Variants in NBPF11 observed in about 807,000 individuals in gnomAD.
NBPF11 encodes NBPF member 11.
A neutral mutation model predicts 93.9 loss-of-function variants in NBPF11; 72 were observed. The observed-to-expected ratio is 0.77, with a 90% CI of 0.63 to 0.93. The LOEUF is 0.93. NBPF11 is among the 40% of genes least tolerant of loss of function. NBPF11 has a pLI of 0.00. For synonymous variants in NBPF11, 224 were observed against 304.9 expected (o/e 0.73, Z 2.76); for missense variants, 705 against 802.2 (o/e 0.88, Z 1.46).
intron 7 of NBPF11, 143 bp from the exon 8 acceptor site, chr1:148,122,944 C>T: frequency 6.2e-6 from 9 of 1,460,186 alleles, no homozygotes; most frequent in Non-Finnish European, 8.5e-6. Context: ...TCACAAAATG[C>T]CCTGGCATGG....
intron 1 of NBPF11, among the ~76,000 whole-genome samples, chr1:148,145,201 C>CTTTTT (rs1190949525): frequency 1.9e-3 from 141 of 75,562 alleles, no homozygotes; most frequent in East Asian, 2.5e-3. Context: ...TTTTTTCTTT[C>CTTTTT]TTTTTTTTTT....
In NBPF11 at chr1:148,103,681, T is replaced by C. The variant is rs1662815635; in HGVS notation, c.*215A>G. 1.2e-6 allele frequency: 2 copies of C among 1,611,238 alleles called. No homozygotes were observed. The highest frequency in any genetic ancestry group is 1.3e-5 in the African/African-American group (1 of 74,860). ...TAGTAAGGGCTGCTTATTGTGGGAA[T>C]ATGACTCCCATCTGGAAGACCAGGT... On this transcript the variant is annotated 3_prime_UTR_variant, in exon 24 of 24. Coordinates refer to ENST00000682118, the MANE Select transcript of NBPF11 (RefSeq NM_001385469.3).
At chr1:148,119,464 G>A (rs2149223978) in intron 10 of NBPF11, among the ~76,000 whole-genome samples, 1 of 152,060 alleles carries the variant, frequency 6.6e-6, no homozygotes, top group Admixed American at 6.5e-5. Flanking sequence ...AGGAAACTGA[G>A]GGACAGAGAA....
intron 19 of NBPF11, among the ~76,000 whole-genome samples, chr1:148,107,465 C>A (rs1663990929): frequency 6.6e-6 from 1 of 151,744 alleles, no homozygotes; most frequent in African/African-American, 2.4e-5. Flanking sequence ...CATAAACTTG[C>A]TCAAGATTCC....
Position 148,118,505 on chromosome 1 carries a change from G to T in NBPF11, c.1091+115C>A, listed in dbSNP as rs1285854632. The stretch of plus-strand genomic sequence containing the variant: ...TATTTGTGTGTAGCAAACCTGCCAT[G>T]GCAATTCCTGCCCTTCCCCTGGCCC... On this transcript the variant is annotated intron_variant, in intron 11 of 23. Transcript: ENST00000682118. 1.3e-4 allele frequency: 107 copies of T among 841,982 alleles called. No homozygotes were observed. The African/African-American group carries it at 1.7e-3, about 14-fold the overall frequency. 52.2% of individuals were successfully genotyped at this position (841,982 alleles called of 1,614,324 possible).
intron 1 of NBPF11, among the ~76,000 whole-genome samples, chr1:148,147,607 C>T (rs1224710085): frequency 1.3e-5 from 2 of 151,996 alleles, no homozygotes; most frequent in African/African-American, 4.8e-5. Context: ...CCTGTCTCGT[C>T]CTGGCCCTGC....
chr1:148,150,084 T>C lies in NBPF11; in HGVS notation c.-549+1666A>G, dbSNP rs1445311170. 2.6e-5 allele frequency among the ~76,000 whole-genome samples: 4 copies of C among 151,696 alleles called. No individual in the cohort carries two copies. The East Asian group carries it at 7.7e-4, about 29-fold the overall frequency. The stretch of plus-strand genomic sequence containing the variant: ...ACCAACAATGCCACTTCTACATATA[T>C]ACCCCAATATAGTAATGTTCTATTT... On this transcript the variant is annotated intron_variant, in intron 1 of 23. Transcript: ENST00000682118.
At chr1:148,126,317 T>A (rs1277290627) in intron 5 of NBPF11, among the ~76,000 whole-genome samples, 2 of 151,868 alleles carry the variant, frequency 1.3e-5, no homozygotes, top group Non-Finnish European at 2.9e-5. Context: ...CTGCTCTTGA[T>A]GCTGTCACTT....
chr1:148,125,103 T>C (rs1553272764), intron 5 of NBPF11, 102 bp from the exon 6 acceptor site: 7 of 793,966 alleles, frequency 8.8e-6, no homozygotes, highest in African/African-American at 6.8e-5. Flanking sequence ...GACAAAACTC[T>C]CCCCAGTACC....
chr1:148,146,912 T>G (rs2149308446), intron 1 of NBPF11: 2 of 1,609,776 alleles, frequency 1.2e-6, no homozygotes, highest in Admixed American at 1.7e-5. Flanking sequence ...TGGCAGGCCC[T>G]GCGCACCAGG....
intron 4 of NBPF11, among the ~76,000 whole-genome samples, chr1:148,134,743 C>G (rs1670988529): frequency 6.6e-6 from 1 of 151,870 alleles, no homozygotes; most frequent in African/African-American, 2.4e-5. Flanking sequence ...GGGGCTGGTA[C>G]AGCCTCACTC....
chr1:148,118,185 A>G (rs1228502526), intron 11 of NBPF11, among the ~76,000 whole-genome samples: 3 of 147,954 alleles, frequency 2.0e-5, no homozygotes, highest in Middle Eastern at 3.4e-3. Context: ...AGATAGGGCG[A>G]ATTGAAAAGA....
chr1:148,126,181 A>T (rs1457820025), intron 5 of NBPF11, among the ~76,000 whole-genome samples: 11 of 151,792 alleles, frequency 7.2e-5, no homozygotes, highest in African/African-American at 2.7e-4. Flanking sequence ...TTGTATTTTT[A>T]GTGGAGACGG....
At position 148,103,590 on chromosome 1, in the gene NBPF11, A is replaced by C. The variant is rs1662789843; in HGVS notation, c.*306T>G. On this transcript the variant is annotated 3_prime_UTR_variant, in exon 24 of 24. Coordinates refer to ENST00000682118, the MANE Select transcript of NBPF11 (RefSeq NM_001385469.3). ...TCCTATGTCTGGGCTTCCAAATGGAACTATAGTTTCATTCAAATCTTCAGG... is the reference window on the plus strand; with the variant it reads ...TCCTATGTCTGGGCTTCCAAATGGACCTATAGTTTCATTCAAATCTTCAGG... 1 of 1,608,162 alleles carries C rather than the reference A, an allele frequency of 6.2e-7. No homozygotes were observed. The highest frequency in any genetic ancestry group is 1.3e-5 in the African/African-American group (1 of 74,704).
At chr1:148,111,809 C>T (rs1445663234) in intron 15 of NBPF11, among the ~76,000 whole-genome samples, 1 of 151,368 alleles carries the variant, frequency 6.6e-6, no homozygotes, top group African/African-American at 2.4e-5. Context: ...GAGAATGGAA[C>T]CAAGCTGGGA....
At chr1:148,140,722 A>G (rs1395610570) in intron 2 of NBPF11, among the ~76,000 whole-genome samples, 4 of 152,044 alleles carry the variant, frequency 2.6e-5, no homozygotes, top group Non-Finnish European at 4.4e-5. Flanking sequence ...ACCTATCAGA[A>G]TGGCTAAAAC....
At chr1:148,141,636 G>A (rs1254095647) in intron 2 of NBPF11, among the ~76,000 whole-genome samples, 23 of 151,814 alleles carry the variant, frequency 1.5e-4, no homozygotes, top group African/African-American at 3.2e-4. Flanking sequence ...GGGTGCCCCC[G>A]GAACACAGCT....
In NBPF11 at chr1:148,131,179, A is replaced by C. The variant is rs1369829865; in HGVS notation, c.-35-4141T>G. On this transcript the variant is annotated intron_variant, in intron 4 of 23. Coordinates refer to ENST00000682118, the MANE Select transcript of NBPF11 (RefSeq NM_001385469.3). ...TAAGAGGAAAAAAAAAAAAAAAAGA[A>C]GCCAGTGCCCTTATACAAAGGCTGG... Among the ~76,000 whole-genome samples the C allele has an allele frequency of 5.4e-4, 81 of 150,904 alleles. 1 individual carries two copies. Among genetic ancestry groups the C allele is most frequent in the Non-Finnish European group, 1.1e-3 (75 of 67,788 alleles).
chr1:148,108,117 T>C (rs1664211794), intron 18 of NBPF11, among the ~76,000 whole-genome samples: 3 of 148,982 alleles, frequency 2.0e-5, no homozygotes, highest in South Asian at 4.2e-4. Flanking sequence ...AATACTCAGA[T>C]TGTTCATGGT....
Sources: gnomAD v4.1 joint callset for allele counts (sites outside exome capture counted in the v4.1 genomes callset) on GRCh38, gnomAD v4.1.1 for gene constraint, MANE v1.5 for transcripts, NCBI Gene and HGNC (gene_info 2026-07-23, HGNC 2026-07-21) for gene names.